BBX: variants seen among roughly 807,000 people sequenced by gnomAD.
BBX encodes HMG box transcription factor BBX.
Under a neutral mutation model 100.2 loss-of-function variants are expected in BBX, and 30 were observed. The ratio of observed to expected loss-of-function variants is 0.30; its 90% CI spans 0.22 to 0.41. The LOEUF is 0.41. BBX is among the 10% of genes least tolerant of loss of function. The probability of loss-of-function intolerance (pLI) is 1.00; values close to 1 mark genes in which losing one functional copy is unlikely to be tolerated. For synonymous variants in BBX, 376 were observed against 388.1 expected, an observed-to-expected ratio of 0.97 and a Z score of 0.37; for missense variants, 1,023 against 1,129.8, an observed-to-expected ratio of 0.91 and a Z score of 1.35.
intron 10 of BBX, among the ~76,000 whole-genome samples, chr3:107,764,754 A>G (rs1345257891): frequency 6.6e-6 from 1 of 152,238 alleles, no homozygotes; most frequent in Non-Finnish European, 1.5e-5. Context: ...CTCACAGTCT[A>G]TTAAGGGCAG....
chr3:107,680,569 T>G (rs1316298973), intron 3 of BBX, among the ~76,000 whole-genome samples: 1 of 152,150 alleles, frequency 6.6e-6, no homozygotes, highest in Non-Finnish European at 1.5e-5. Flanking sequence ...AGGCTGAGTT[T>G]TCTGTCAGAA....
chr3:107,710,656 T>C (rs763517682), intron 4 of BBX, 34 bp downstream of exon 4: 6 of 1,528,392 alleles, frequency 3.9e-6, no homozygotes, highest in Non-Finnish European at 5.3e-6. Context: ...AGTTTCAAGT[T>C]TATTAGAGCA....
Position 107,560,947 on chromosome 3 carries a change from AT to A in BBX, c.-84+34553del, listed in dbSNP as rs937276284. Among the ~76,000 whole-genome samples the A allele has an allele frequency of 2.0e-5, 3 of 152,318 alleles. 1 individual carries two copies. On this transcript the variant is annotated intron_variant, in intron 2 of 17. Transcript: ENST00000325805. ...TTCCTATTGCAAGTGTACTATTGATATTTTAGTTTGGAGAGTCCTTTGTTGT... is the reference window on the plus strand; with the variant it reads ...TTCCTATTGCAAGTGTACTATTGATATTTAGTTTGGAGAGTCCTTTGTTGT...
chr3:107,641,294 G>A (rs1039874084), intron 2 of BBX, among the ~76,000 whole-genome samples: 2 of 151,802 alleles, frequency 1.3e-5, no homozygotes, highest in Non-Finnish European at 2.9e-5. Flanking sequence ...CATGATGCCT[G>A]GGCTGGTTTT....
rs1362881175 is a variant in BBX at position 107,759,920 on chromosome 3, G to A, written c.906+4242G>A. 2.0e-5 allele frequency among the ~76,000 whole-genome samples: 3 copies of A among 152,132 alleles called. No individual in the cohort carries two copies. The South Asian group carries it at 6.2e-4, about 32-fold the overall frequency. The stretch of plus-strand genomic sequence containing the variant: ...TTAAAATACATTACAAATTTGAATG[G>A]CAGATCTTTCTACAGATAAGTTATG... On this transcript the variant is annotated intron_variant, in intron 10 of 17. Coordinates refer to ENST00000325805, the MANE Select transcript of BBX (RefSeq NM_001142568.3).
At chr3:107,721,295 A>G (rs1026027923) in intron 5 of BBX, among the ~76,000 whole-genome samples, 4 of 152,008 alleles carry the variant, frequency 2.6e-5, no homozygotes, top group African/African-American at 4.8e-5. Flanking sequence ...TGTTTTGTCT[A>G]TATAGTAATT....
chr3:107,542,861 C>G (rs2048957485), intron 2 of BBX, among the ~76,000 whole-genome samples: 1 of 152,180 alleles, frequency 6.6e-6, no homozygotes, highest in Non-Finnish European at 1.5e-5. Flanking sequence ...AATGCATGGA[C>G]CAGTCTAGGC....
chr3:107,765,806 T>G (rs1160951694), intron 10 of BBX, among the ~76,000 whole-genome samples: 2 of 152,164 alleles, frequency 1.3e-5, no homozygotes, highest in East Asian at 3.8e-4. Context: ...AAGGATTTGC[T>G]TACATCCAAG....
intron 1 of BBX, chr3:107,524,338 C>G (rs1424767487): frequency 6.6e-6 from 1 of 152,136 alleles, no homozygotes; most frequent in Admixed American, 6.5e-5. Flanking sequence ...ATCCGGGTCG[C>G]TAGTAAATTA....
Position 107,679,449 on chromosome 3 carries a change from G to A in BBX, c.-9-31003G>A, listed in dbSNP as rs140745131. On this transcript the variant is annotated intron_variant, in intron 3 of 17. Transcript: ENST00000325805. ...TCCTGCTGTGCTGAATATGGAAGCT[G>A]TGTGGTTTCCCAGCAGCAGAGCCAT... 6.4e-3 allele frequency among the ~76,000 whole-genome samples: 978 copies of A among 152,224 alleles called. 3 individuals carry two copies. Among genetic ancestry groups the A allele is most frequent in the Middle Eastern group, 0.02 (6 of 294 alleles).
intron 2 of BBX, among the ~76,000 whole-genome samples, chr3:107,553,736 T>C (rs575922587): frequency 1.6e-4 from 25 of 152,238 alleles, no homozygotes; most frequent in Non-Finnish European, 3.1e-4. Context: ...TTCTGATTAC[T>C]ATCTCACTTG....
At chr3:107,668,337 C>CT (rs1320114430) in intron 3 of BBX, among the ~76,000 whole-genome samples, 1 of 152,098 alleles carries the variant, frequency 6.6e-6, no homozygotes, top group African/African-American at 2.4e-5. Context: ...CATTATTGCC[C>CT]TTAGGTTAAG....
chr3:107,746,012 A>G (rs2107618174), intron 8 of BBX, among the ~76,000 whole-genome samples: 1 of 152,230 alleles, frequency 6.6e-6, no homozygotes, highest in East Asian at 1.9e-4. Flanking sequence ...TATTTATGTT[A>G]TTAATTGAAA....
At chr3:107,775,268 T>C (rs1453916011) in intron 12 of BBX, among the ~76,000 whole-genome samples, 1 of 152,186 alleles carries the variant, frequency 6.6e-6, no homozygotes, top group Non-Finnish European at 1.5e-5. Context: ...AATGAAATTA[T>C]GCTTCTATCG....
chr3:107,650,315 C>T (rs2107804605), intron 3 of BBX, among the ~76,000 whole-genome samples: 1 of 152,154 alleles, frequency 6.6e-6, no homozygotes, highest in South Asian at 2.1e-4. Flanking sequence ...TATGAGGGAT[C>T]TAGGTTGCAT....
At chr3:107,742,788 A>G (rs1335372029) in intron 7 of BBX, among the ~76,000 whole-genome samples, 3 of 152,230 alleles carry the variant, frequency 2.0e-5, no homozygotes, top group African/African-American at 7.2e-5. Flanking sequence ...AGATGCCTTC[A>G]TAATTATGTG....
chr3:107,610,361 C>G (rs2054752742), intron 2 of BBX, among the ~76,000 whole-genome samples: 2 of 152,004 alleles, frequency 1.3e-5, no homozygotes. Flanking sequence ...CTGTGTATAT[C>G]CATTAGGTTC....
Position 107,538,527 on chromosome 3 carries a change from T to C in BBX, c.-84+12129T>C, listed in dbSNP as rs142702169. 8.7e-3 allele frequency among the ~76,000 whole-genome samples: 1,321 copies of C among 152,312 alleles called. 24 individuals carry two copies. Among genetic ancestry groups the C allele is most frequent in the African/African-American group, 0.03 (1,259 of 41,580 alleles). Reference sequence around the variant, plus strand: ...TTAGGATGATCGATACTTTTCTTCATTAAATAGATATTTTTCCGAAAAGTT... The same window carrying C: ...TTAGGATGATCGATACTTTTCTTCACTAAATAGATATTTTTCCGAAAAGTT... On this transcript the variant is annotated intron_variant, in intron 2 of 17. Transcript: ENST00000325805.
At position 107,778,354 on chromosome 3, in the gene BBX, CT is replaced by C. The variant is rs767660314; in HGVS notation, c.2055-16del. 7 of 1,612,650 alleles carry C rather than the reference CT, an allele frequency of 4.3e-6. No individual in the cohort carries two copies. In the African/African-American group the frequency reaches 8.0e-5, roughly 18 times the overall value. ...TTTGGTCATGTGCTGATTGATTCCC[CT>C]CTCCCCTTTTAATAGCTCCGCAAAG... On this transcript the variant is annotated splice_polypyrimidine_tract_variant and intron_variant, in intron 12 of 17. Coordinates refer to ENST00000325805, the MANE Select transcript of BBX (RefSeq NM_001142568.3).
Sources: gnomAD v4.1 joint callset for allele counts (sites outside exome capture counted in the v4.1 genomes callset) on GRCh38, gnomAD v4.1.1 for gene constraint, MANE v1.5 for transcripts, NCBI Gene and HGNC (gene_info 2026-07-23, HGNC 2026-07-21) for gene names.